RASA1: variants seen among roughly 807,000 people sequenced by gnomAD.
RASA1 encodes the protein ras GTPase-activating protein 1.
RASA1 carries 25 observed loss-of-function variants against 132.2 expected under a neutral mutation model. The observed-to-expected ratio is 0.19, with a 90% CI of 0.14 to 0.26. The LOEUF (loss-of-function observed/expected upper bound fraction) is 0.26, where lower values mean the gene tolerates loss of function less well. Ranked by LOEUF, RASA1 falls within the 10% of genes least tolerant of loss-of-function variation. The pLI, the probability that RASA1 is intolerant of heterozygous loss-of-function variation, is 1.00. For synonymous variants in RASA1, 477 were observed against 449.9 expected (o/e 1.06, Z -0.76); for missense variants, 964 against 1,299.2 (o/e 0.74, Z 3.97).
rs567625847 is a variant in RASA1 at position 87,374,112 on chromosome 5, C to T, written c.1777-51C>T. ...GAGTAATTGCTTTTGAAATGTAGTG[C>T]AATTCTAGAAATCTGGGGTAATATA... On this transcript the variant is annotated intron_variant, in intron 13 of 24. Coordinates refer to ENST00000274376, the MANE Select transcript of RASA1 (RefSeq NM_002890.3). 14 of 1,263,630 alleles carry T rather than the reference C, an allele frequency of 1.1e-5. No individual in the cohort carries two copies. The African/African-American group carries it at 2.1e-4, about 19-fold the overall frequency. 78.3% of individuals were successfully genotyped at this position (1,263,630 alleles called of 1,614,324 possible).
intron 16 of RASA1, 111 bp from the exon 17 acceptor site, chr5:87,376,770 G>A (rs892574549): frequency 1.6e-6 from 2 of 1,244,944 alleles, no homozygotes; most frequent in African/African-American, 1.5e-5. Flanking sequence ...TTATTCAATG[G>A]GACATCATTT....
chr5:87,373,739 ACT>A (rs761426722), intron 13 of RASA1, among the ~76,000 whole-genome samples: 36 of 152,006 alleles, frequency 2.4e-4, no homozygotes, highest in Non-Finnish European at 4.4e-4. Context: ...TAGCTGTGGA[ACT>A]CTTTTATAGA....
At chr5:87,298,412 CAAA>C (rs1255095778) in intron 1 of RASA1, among the ~76,000 whole-genome samples, 10 of 58,882 alleles carry the variant, frequency 1.7e-4, no homozygotes, top group Admixed American at 7.9e-4. Context: ...GACTCTGTCT[CAAA>C]AAAAAAAAAA....
chr5:87,307,138 G>T (rs1755654372), intron 1 of RASA1, among the ~76,000 whole-genome samples: 1 of 152,128 alleles, frequency 6.6e-6, no homozygotes. Context: ...GAAGTGTTGG[G>T]ATAACAGGTG....
chr5:87,302,248 G>A (rs1239914007), intron 1 of RASA1, among the ~76,000 whole-genome samples: 1 of 152,036 alleles, frequency 6.6e-6, no homozygotes, highest in East Asian at 1.9e-4. Context: ...TGGGTTGGTG[G>A]TGTAATAGCT....
intron 24 of RASA1, among the ~76,000 whole-genome samples, chr5:87,390,185 A>C (rs1198646803): frequency 1.3e-5 from 2 of 152,208 alleles, no homozygotes; most frequent in African/African-American, 4.8e-5. Context: ...GATATTGGAG[A>C]TATAGAACAA....
At chr5:87,381,650 C>T (rs1296627856) in intron 20 of RASA1, among the ~76,000 whole-genome samples, 2 of 152,102 alleles carry the variant, frequency 1.3e-5, no homozygotes, top group African/African-American at 4.8e-5. Context: ...ACTACAGATT[C>T]TGTTTTTCTT....
chr5:87,388,936 A>G (rs113197062), intron 23 of RASA1, among the ~76,000 whole-genome samples: 3 of 152,032 alleles, frequency 2.0e-5, no homozygotes, highest in Non-Finnish European at 2.9e-5. Context: ...CCCACCCCTT[A>G]TTTTTAGAAT....
chr5:87,384,227 G>A (rs1240923083), intron 21 of RASA1, among the ~76,000 whole-genome samples: 1 of 152,030 alleles, frequency 6.6e-6, no homozygotes, highest in African/African-American at 2.4e-5. Flanking sequence ...GGTTCCTCCC[G>A]TTAGAGATTT....
At chr5:87,351,736 TA>T (rs759691088) in intron 8 of RASA1, among the ~76,000 whole-genome samples, 1 of 151,732 alleles carries the variant, frequency 6.6e-6, no homozygotes, top group Admixed American at 6.6e-5. Context: ...GAGTAATTTT[TA>T]AAAAAACTCT....
rs1050125907 is a variant in RASA1, at chr5:87,377,130, T to C, written c.2344+90T>C. On this transcript the variant is annotated intron_variant, in intron 17 of 24. Transcript: ENST00000274376. Reference sequence around the variant, plus strand: ...GGACTCTATCTCTGAATATACTAAATTGTTAAATTATATTGCAAAATAAGT... The same window carrying C: ...GGACTCTATCTCTGAATATACTAAACTGTTAAATTATATTGCAAAATAAGT... 66 of 1,465,074 alleles carry C rather than the reference T, an allele frequency of 4.5e-5. No individual in the cohort carries two copies. The African/African-American group carries it at 8.6e-4, about 19-fold the overall frequency. 90.8% of individuals were successfully genotyped at this position (1,465,074 alleles called of 1,614,324 possible).
intron 1 of RASA1, chr5:87,299,945 T>G (rs1168052013): frequency 6.6e-6 from 1 of 152,196 alleles, no homozygotes; most frequent in East Asian, 1.9e-4. Flanking sequence ...GTGTTAACAT[T>G]ATGTAGAGGC....
At chr5:87,283,589 A>T (rs1207031135) in intron 1 of RASA1, among the ~76,000 whole-genome samples, 1 of 152,086 alleles carries the variant, frequency 6.6e-6, no homozygotes, top group Non-Finnish European at 1.5e-5. Flanking sequence ...TATATTATAT[A>T]TATCTAAAAT....
At chr5:87,384,929 G>C (rs1409524140) in intron 21 of RASA1, among the ~76,000 whole-genome samples, 1 of 152,078 alleles carries the variant, frequency 6.6e-6, no homozygotes, top group East Asian at 1.9e-4. Flanking sequence ...AACCTGAGTA[G>C]GTTGAAATTA....
rs763292074 is a variant in RASA1, at chr5:87,349,330, A to C, written c.1219A>C (p.Asn407His). The change falls in exon 8 of 25, where the codon AAT becomes CAT. Residue 407 changes from asparagine (N) to histidine (H), a missense_variant. By Grantham distance (68) the Asn-to-His change is moderately conservative. This residue lies in a region of RASA1 where 154 missense variants were observed against 286.5 expected (regional missense o/e 0.54). Transcript: ENST00000274376. ...QRFKICPTPN[N>H]QFMMGGRYYN... is the part of the protein sequence containing the mutation. The stretch of plus-strand genomic sequence containing the variant: ...ATTTAAAATATGTCCAACGCCAAAC[A>C]ATCAGTTTATGATGGGAGGCCGGTA... The C allele has an allele frequency of 6.8e-6, 11 of 1,611,990 alleles. No individual in the cohort carries two copies. Among genetic ancestry groups the C allele is most frequent in the Admixed American group, 1.7e-5 (1 of 59,794 alleles).
chr5:87,304,607 A>G (rs754543000), intron 1 of RASA1, among the ~76,000 whole-genome samples: 11 of 151,812 alleles, frequency 7.2e-5, no homozygotes, highest in African/African-American at 2.7e-4. Flanking sequence ...GGCTGGGATT[A>G]CAGGTGTGTG....
chr5:87,377,831 T>A (rs1254626304), intron 17 of RASA1, among the ~76,000 whole-genome samples: 1 of 152,152 alleles, frequency 6.6e-6, no homozygotes, highest in Non-Finnish European at 1.5e-5. Flanking sequence ...ATAGTAAAGT[T>A]TAGAACTATT....
intron 1 of RASA1, among the ~76,000 whole-genome samples, chr5:87,284,279 G>A (rs903283262): frequency 6.6e-5 from 10 of 152,030 alleles, no homozygotes; most frequent in African/African-American, 9.7e-5. Context: ...GAACAGCCAC[G>A]GTATAGGAAT....
At chr5:87,346,587 C>T in intron 6 of RASA1, 85 bp from the exon 7 acceptor site, 1 of 776,568 alleles carries the variant, frequency 1.3e-6, no homozygotes, top group Non-Finnish European at 2.1e-6. Flanking sequence ...TTGAATTAAA[C>T]TTACTATATT....
Sources: gnomAD v4.1 joint callset for allele counts (sites outside exome capture counted in the v4.1 genomes callset) on GRCh38, gnomAD v4.1.1 for gene constraint, gnomAD v4.1.1 regional missense constraint, MANE v1.5 for transcripts, NCBI Gene and HGNC (gene_info 2026-07-23, HGNC 2026-07-21) for gene names.